The following ADAMTSL1 variants were observed in gnomAD, a reference collection of about 807,000 sequenced individuals.
ADAMTSL1 encodes the protein ADAMTS-like protein 1.
In ADAMTSL1, 126 loss-of-function variants were observed where a neutral mutation model predicts 201.8. The observed-to-expected ratio is 0.62, with a 90% CI of 0.54 to 0.72. The LOEUF (loss-of-function observed/expected upper bound fraction) is 0.72, where lower values mean the gene tolerates loss of function less well. ADAMTSL1 is among the 30% of genes least tolerant of loss of function. The pLI is 0.00. For missense variants in ADAMTSL1, 2,679 were observed against 2,277.8 expected, an observed-to-expected ratio of 1.18 and a Z score of -3.59; for synonymous variants, 1,121 against 903.4, an observed-to-expected ratio of 1.24 and a Z score of -4.32.
chr9:18,492,671 T>TC (rs1822326562), intron 1 of ADAMTSL1, among the ~76,000 whole-genome samples: 1 of 152,246 alleles, frequency 6.6e-6, no homozygotes, highest in African/African-American at 2.4e-5. Flanking sequence ...ATGCTTATGT[T>TC]CCATTTTACA....
chr9:18,890,818 G>A, intron 25 of ADAMTSL1: 1 of 322,884 alleles, frequency 3.1e-6, no homozygotes. Flanking sequence ...GGATATAAGA[G>A]GCTGGAAAAC....
chr9:17,949,313 T>A (rs1364265689), intron 1 of ADAMTSL1, among the ~76,000 whole-genome samples: 2 of 151,794 alleles, frequency 1.3e-5, no homozygotes, highest in African/African-American at 4.8e-5. Context: ...CAAGCCTGAG[T>A]GTGAGAGAGC....
In ADAMTSL1 at chr9:17,974,716, G is replaced by C. The variant is rs187082134; in HGVS notation, c.87+67794G>C. Among the ~76,000 whole-genome samples, 222 of 152,098 alleles carry C rather than the reference G, an allele frequency of 1.5e-3. 2 individuals are homozygous for C. The highest frequency in any genetic ancestry group is 5.1e-3 in the African/African-American group (213 of 41,514). On this transcript the variant is annotated intron_variant, in intron 1 of 29. Coordinates refer to the ADAMTSL1 transcript ENST00000680146. ...GATCTCCTTCTTTTGTTAAGGCCGA[G>C]TAATGTTTCATGATATATATGTGTG...
At chr9:17,963,511 A>G (rs537710328) in intron 1 of ADAMTSL1, among the ~76,000 whole-genome samples, 1 of 152,278 alleles carries the variant, frequency 6.6e-6, no homozygotes, top group South Asian at 2.1e-4. Flanking sequence ...GTGAAACAGT[A>G]TTCCGTATGA....
At chr9:18,071,862 AATG>A (rs1291632366) in intron 1 of ADAMTSL1, among the ~76,000 whole-genome samples, 1 of 152,200 alleles carries the variant, frequency 6.6e-6, no homozygotes, top group Non-Finnish European at 1.5e-5. Flanking sequence ...AAGGGTGCTG[AATG>A]ATGATATTCA....
At chr9:18,515,903 CT>C (rs1210322209) in intron 2 of ADAMTSL1, among the ~76,000 whole-genome samples, 3 of 152,044 alleles carry the variant, frequency 2.0e-5, no homozygotes, top group Non-Finnish European at 4.4e-5. Flanking sequence ...ATCCTTTAAG[CT>C]TCCAGCTTGT....
At chr9:18,520,971 A>G (rs1460464786) in intron 2 of ADAMTSL1, among the ~76,000 whole-genome samples, 1 of 152,162 alleles carries the variant, frequency 6.6e-6, no homozygotes, top group Non-Finnish European at 1.5e-5. Context: ...TATGCTTTTG[A>G]AAGTCCCAAA....
chr9:18,281,278 T>C (rs1298053471), intron 2 of ADAMTSL1, among the ~76,000 whole-genome samples: 1 of 151,910 alleles, frequency 6.6e-6, no homozygotes, highest in Admixed American at 6.6e-5. Flanking sequence ...AGGGAAAAGA[T>C]ATATATATAT....
chr9:17,942,537 AAATGATT>A (rs1827282492), intron 1 of ADAMTSL1, among the ~76,000 whole-genome samples: 1 of 152,172 alleles, frequency 6.6e-6, no homozygotes, highest in Non-Finnish European at 1.5e-5. Context: ...TATAGCTGAA[AAATGATT>A]GGATGATGCT....
At chr9:17,956,426 G>T (rs1219225715) in intron 1 of ADAMTSL1, among the ~76,000 whole-genome samples, 1 of 152,198 alleles carries the variant, frequency 6.6e-6, no homozygotes, top group Non-Finnish European at 1.5e-5. Context: ...CTCTTCTTTT[G>T]ACATGTAACG....
chr9:18,625,600 T>C (rs958965385), intron 5 of ADAMTSL1, among the ~76,000 whole-genome samples: 13 of 152,166 alleles, frequency 8.5e-5, no homozygotes, highest in African/African-American at 2.9e-4. Context: ...ATAAAAATAG[T>C]CAAATATAGC....
intron 1 of ADAMTSL1, among the ~76,000 whole-genome samples, chr9:18,036,353 A>G (rs1030384689): frequency 2.0e-5 from 3 of 152,194 alleles, no homozygotes; most frequent in Non-Finnish European, 4.4e-5. Flanking sequence ...ACTCTGCATT[A>G]CCCCATGTAA....
chr9:18,378,005 G>A (rs1392512557), intron 2 of ADAMTSL1, among the ~76,000 whole-genome samples: 1 of 152,128 alleles, frequency 6.6e-6, no homozygotes, highest in African/African-American at 2.4e-5. Context: ...GGGTGCCAGC[G>A]TTTTGGCACT....
chr9:18,818,973 G>A (rs1211880449), intron 21 of ADAMTSL1, among the ~76,000 whole-genome samples: 2 of 152,080 alleles, frequency 1.3e-5, no homozygotes, highest in African/African-American at 2.4e-5. Context: ...CCCCTGACAG[G>A]GGTTGGCATG....
rs1564144066 is a variant in ADAMTSL1, at chr9:18,680,270, C to T, written c.1137-42C>T. On this transcript the variant is annotated intron_variant, in intron 10 of 28. Transcript: ENST00000380548. Reference sequence around the variant, plus strand: ...TGGACCAGTCACTGAGGAGGCTTAGCAATGTGCATGTCTGCCCTGATGACT... The same window carrying T: ...TGGACCAGTCACTGAGGAGGCTTAGTAATGTGCATGTCTGCCCTGATGACT... 1.9e-6 allele frequency: 3 copies of T among 1,587,076 alleles called. No individual in the cohort carries two copies. The Admixed American group carries it at 5.2e-5, about 27-fold the overall frequency.
At chr9:18,366,233 G>T (rs1003706841) in intron 2 of ADAMTSL1, among the ~76,000 whole-genome samples, 1 of 151,088 alleles carries the variant, frequency 6.6e-6, no homozygotes, top group Admixed American at 6.6e-5. Flanking sequence ...GAATTTATAT[G>T]GTCTATACAG....
intron 1 of ADAMTSL1, among the ~76,000 whole-genome samples, chr9:17,953,087 C>T (rs1827793974): frequency 6.6e-6 from 1 of 151,368 alleles, no homozygotes. Flanking sequence ...GTAAAAATGA[C>T]ATGATACTGC....
chr9:18,070,842 C>G (rs553053517), intron 1 of ADAMTSL1, among the ~76,000 whole-genome samples: 1 of 152,202 alleles, frequency 6.6e-6, no homozygotes, highest in South Asian at 2.1e-4. Context: ...CACACTCATC[C>G]CCACCCCGAT....
At chr9:18,433,028 A>G (rs753579437) in intron 2 of ADAMTSL1, among the ~76,000 whole-genome samples, 4 of 152,152 alleles carry the variant, frequency 2.6e-5, no homozygotes, top group South Asian at 4.1e-4. Context: ...CTTTCTCACT[A>G]TTTAAATCTT....
Sources: gnomAD v4.1 joint callset for allele counts (sites outside exome capture counted in the v4.1 genomes callset) on GRCh38, gnomAD v4.1.1 for gene constraint, MANE v1.5 for transcripts, NCBI Gene and HGNC (gene_info 2026-07-23, HGNC 2026-07-21) for gene names.